PCA3: variants seen among roughly 807,000 people sequenced by gnomAD.
The protein encoded by PCA3 is prostate cancer associated 3, also known as Differential Display code 3.
At chr9:76,777,326 A>C (rs1340604849) in intron 2 of PCA3, among the ~76,000 whole-genome samples, 1 of 152,158 alleles carries the variant, frequency 6.6e-6, no homozygotes, top group African/African-American at 2.4e-5. Context: ...TCTTCTGAGA[A>C]AGAATATAAT....
At chr9:76,784,472 A>G (rs2131281254) in intron 2 of PCA3, 1 of 152,368 alleles carries the variant, frequency 6.6e-6, no homozygotes. Context: ...CTGTGCGTTC[A>G]TAACCAAATC....
At chr9:76,774,450 CTTTTTTTTTTTT>C (rs869289049) in intron 2 of PCA3, among the ~76,000 whole-genome samples, 515 of 41,372 alleles carry the variant, frequency 0.012, 14 homozygotes, top group Non-Finnish European at 0.015. Context: ...CAGTTCAACC[CTTTTTTTTTTTT>C]TTTTTTTTTT....
intron 2 of PCA3, among the ~76,000 whole-genome samples, chr9:76,774,454 T>A (rs77027512): frequency 6.4e-4 from 35 of 54,472 alleles, no homozygotes; most frequent in African/African-American, 5.0e-3. Flanking sequence ...TCAACCCTTT[T>A]TTTTTTTTTT....
At chr9:76,768,159 T>C (rs983815585) in intron 2 of PCA3, among the ~76,000 whole-genome samples, 4 of 151,982 alleles carry the variant, frequency 2.6e-5, no homozygotes, top group Admixed American at 6.6e-5. Flanking sequence ...AGCTTGGCTA[T>C]ACCTTGCCCT....
In PCA3 at chr9:76,774,875, A is replaced by G. The variant is rs149499641; in HGVS notation, n.853-33708A>G. On this transcript the variant is annotated intron_variant and non_coding_transcript_variant, in intron 2 of 5. Transcript: ENST00000644657. The stretch of plus-strand genomic sequence containing the variant: ...TTGTAGATTTTAGAGACAGAAAAAC[A>G]TGAGTTCAAATTCTGTTACCAGCTA... 2.1e-3 allele frequency among the ~76,000 whole-genome samples: 325 copies of G among 152,304 alleles called. 3 individuals carry two copies. The highest frequency in any genetic ancestry group is 7.6e-3 in the African/African-American group (316 of 41,562).
At chr9:76,780,155 C>T (rs1201229327) in intron 2 of PCA3, among the ~76,000 whole-genome samples, 1 of 152,054 alleles carries the variant, frequency 6.6e-6, no homozygotes, top group Admixed American at 6.5e-5. Flanking sequence ...TATGTAAGAT[C>T]CAAGAAGTAC....
At chr9:76,768,673 T>C (rs1373277375) in intron 2 of PCA3, among the ~76,000 whole-genome samples, 1 of 151,668 alleles carries the variant, frequency 6.6e-6, no homozygotes, top group East Asian at 1.9e-4. Flanking sequence ...GTTGAAGTCA[T>C]CTCATAAAAA....
intron 2 of PCA3, among the ~76,000 whole-genome samples, chr9:76,776,494 ATTTTCTTTTTTT>A (rs2053762528): frequency 7.7e-6 from 1 of 129,588 alleles, no homozygotes; most frequent in South Asian, 2.6e-4. Context: ...TTTACACCAC[ATTTTCTTTTTTT>A]TTTTCTTTTT....
intron 2 of PCA3, chr9:76,784,128 A>C (rs1158936699): frequency 6.6e-6 from 1 of 152,180 alleles, no homozygotes; most frequent in Non-Finnish European, 1.5e-5. Flanking sequence ...CCCTGGGAGA[A>C]ATGCCCGGCC....
chr9:76,772,591 G>T (rs2053238586), intron 2 of PCA3, among the ~76,000 whole-genome samples: 1 of 152,028 alleles, frequency 6.6e-6, no homozygotes, highest in Non-Finnish European at 1.5e-5. Flanking sequence ...TAGAGACAGG[G>T]TCTTGCTTGT....
chr9:76,782,197 A>G (rs10121230), intron 2 of PCA3, among the ~76,000 whole-genome samples: 45,523 of 151,716 alleles, frequency 0.3, 6,943 homozygotes, highest in African/African-American at 0.35. Flanking sequence ...CTGGGTGACA[A>G]AGCGAGACTC....
intron 2 of PCA3, among the ~76,000 whole-genome samples, chr9:76,774,328 G>A (rs1055896080): frequency 6.6e-6 from 1 of 151,780 alleles, no homozygotes; most frequent in Non-Finnish European, 1.5e-5. Flanking sequence ...TGTAAAGATG[G>A]GGTTTCACCA....
intron 2 of PCA3, chr9:76,785,029 A>AT (rs911273281): frequency 2.6e-5 from 4 of 151,384 alleles, no homozygotes; most frequent in South Asian, 2.1e-4. Context: ...CCTTTGTTTG[A>AT]TTTTTTTTCC....
At chr9:76,770,856 T>C (rs1391964113) in intron 2 of PCA3, among the ~76,000 whole-genome samples, 1 of 152,162 alleles carries the variant, frequency 6.6e-6, no homozygotes, top group South Asian at 2.1e-4. Flanking sequence ...TACCTCAACT[T>C]TGATAATATC....
intron 2 of PCA3, among the ~76,000 whole-genome samples, chr9:76,775,103 C>T (rs1346539259): frequency 1.3e-5 from 2 of 152,104 alleles, no homozygotes; most frequent in South Asian, 4.1e-4. Context: ...CTAAGCTGAA[C>T]CGAATAGGAC....
At chr9:76,781,153 T>C (rs761216263) in intron 2 of PCA3, among the ~76,000 whole-genome samples, 14 of 152,302 alleles carry the variant, frequency 9.2e-5, no homozygotes, top group Non-Finnish European at 1.9e-4. Context: ...ACCTCTCCCA[T>C]GGTCTATGAA....
chr9:76,787,290 A>G (rs923588885), intron 2 of PCA3: 10 of 147,630 alleles, frequency 6.8e-5, no homozygotes, highest in Admixed American at 5.3e-4. Flanking sequence ...TTCTTTTACT[A>G]CTATATTACG....
rs140032621 is a variant in PCA3 at position 76,780,692 on chromosome 9, AAAACAAAC to A, written n.853-27871_853-27864del. ...GGCGACAGAGCAAGACTCCGTCTCAAAAACAAACAAACAAACAAACAAACAAAAACAAG... is the reference window on the plus strand; with the variant it reads ...GGCGACAGAGCAAGACTCCGTCTCAAAAACAAACAAACAAACAAAAACAAG... On this transcript the variant is annotated intron_variant and non_coding_transcript_variant, in intron 2 of 5. Coordinates refer to ENST00000644657, the Ensembl canonical transcript of PCA3. Among the ~76,000 whole-genome samples the A allele has an allele frequency of 3.7e-4, 57 of 152,190 alleles. 1 individual carries two copies. The South Asian group carries it at 8.1e-3, about 22-fold the overall frequency.
At chr9:76,777,588 T>C (rs1287558134) in intron 2 of PCA3, among the ~76,000 whole-genome samples, 3 of 152,244 alleles carry the variant, frequency 2.0e-5, no homozygotes, top group Non-Finnish European at 4.4e-5. Context: ...CAAGGCATTC[T>C]TGGGGATACA....
Sources: allele counts gnomAD v4.1 joint callset (sites outside exome capture counted in the v4.1 genomes callset), GRCh38; gene constraint gnomAD v4.1.1; transcripts MANE v1.5; gene names NCBI Gene and HGNC (gene_info 2026-07-23, HGNC 2026-07-21).